Variants in CSGALNACT1 observed in about 807,000 individuals in gnomAD.
The protein encoded by CSGALNACT1 is chondroitin sulfate N-acetylgalactosaminyltransferase 1.
CSGALNACT1 carries 52 observed loss-of-function variants against 51.0 expected under a neutral mutation model. The observed-to-expected ratio is 1.02, with a 90% CI of 0.82 to 1.29. CSGALNACT1 has a LOEUF of 1.29. Among genes scored for constraint, CSGALNACT1 ranks in the 50% most tolerant of loss-of-function variants. The probability of loss-of-function intolerance (pLI) is 0.00; values close to 1 mark genes in which losing one functional copy is unlikely to be tolerated. For synonymous variants in CSGALNACT1, 341 were observed against 254.4 expected (o/e 1.34, Z -3.24); for missense variants, 935 against 679.2 (o/e 1.38, Z -4.19).
upstream of CSGALNACT1, among the ~76,000 whole-genome samples, chr8:19,604,745 TAAAAAAAAAAA>T (rs36019022): frequency 0.014 from 1,847 of 130,324 alleles, 13 homozygotes; most frequent in Non-Finnish European, 0.02. Context: ...GTCTCTACTT[TAAAAAAAAAAA>T]AAAAAAAAAT....
chr8:19,600,593 G>C (rs1226805856), intron 2 of CSGALNACT1, among the ~76,000 whole-genome samples: 1 of 152,098 alleles, frequency 6.6e-6, no homozygotes, highest in East Asian at 1.9e-4. Flanking sequence ...TTAACCACTT[G>C]ACTTTCTACT....
rs577068024 is a variant in CSGALNACT1, at chr8:19,650,575, C to T, written c.-544+31898G>A. ...ATGGTCGAACAGAAGATGCTGATGA[C>T]GGGGTCAACGTGGTCCTGGTTCCCA... On this transcript the variant is annotated intron_variant, in intron 1 of 9. Coordinates refer to the CSGALNACT1 transcript ENST00000332246. Among the ~76,000 whole-genome samples the T allele has an allele frequency of 2.7e-3, 411 of 152,216 alleles. 2 individuals are homozygous for T. The highest frequency in any genetic ancestry group is 6.7e-3 in the Admixed American group (102 of 15,278).
At chr8:19,627,952 A>G (rs112027637) in intron 1 of CSGALNACT1, among the ~76,000 whole-genome samples, 59 of 152,358 alleles carry the variant, frequency 3.9e-4, no homozygotes, top group African/African-American at 1.3e-3. Context: ...GAAAGATGTT[A>G]TCACTGGAGA....
chr8:19,506,286 C>G (rs1265005023), intron 3 of CSGALNACT1, among the ~76,000 whole-genome samples, 156 bp from the exon 3 acceptor site: 1 of 152,170 alleles, frequency 6.6e-6, no homozygotes, highest in Non-Finnish European at 1.5e-5. Flanking sequence ...AATCAGAACA[C>G]AAACGCACAT....
chr8:19,643,684 GT>G (rs1418102837), intron 1 of CSGALNACT1, among the ~76,000 whole-genome samples: 1 of 151,518 alleles, frequency 6.6e-6, no homozygotes, highest in African/African-American at 2.4e-5. Flanking sequence ...TAGTGAAAAT[GT>G]TAATACACAG....
intron 1 of CSGALNACT1, among the ~76,000 whole-genome samples, chr8:19,643,812 AGGCTTCCATCTGCTGCTGGCTGCAGT>A (rs1253662889): frequency 1.3e-5 from 2 of 152,186 alleles, no homozygotes; most frequent in Non-Finnish European, 2.9e-5. Context: ...TATTGAGTCC[AGGCTTCCATCTGCTGCTGGCTGCAGT>A]GGAAATTGGC....
At chr8:19,623,942 G>C (rs1411785133) in intron 1 of CSGALNACT1, among the ~76,000 whole-genome samples, 1 of 152,322 alleles carries the variant, frequency 6.6e-6, no homozygotes. Context: ...ATCTTACAAG[G>C]TCTAGGAGAT....
intron 1 of CSGALNACT1, among the ~76,000 whole-genome samples, chr8:19,733,045 T>A (rs1228524799): frequency 6.6e-6 from 1 of 152,226 alleles, no homozygotes; most frequent in African/African-American, 2.4e-5. Flanking sequence ...CCCTGTTATA[T>A]TAGAAATGGT....
intron 4 of CSGALNACT1, among the ~76,000 whole-genome samples, chr8:19,470,882 G>A (rs1324456800): frequency 6.6e-6 from 1 of 152,086 alleles, no homozygotes; most frequent in Non-Finnish European, 1.5e-5. Flanking sequence ...GATCACCTGA[G>A]GTCAGGAGTT....
chr8:19,458,982 T>A (rs1231882923), intron 4 of CSGALNACT1, among the ~76,000 whole-genome samples: 5 of 152,194 alleles, frequency 3.3e-5, no homozygotes, highest in African/African-American at 1.2e-4. Context: ...TGGGATTATG[T>A]GTTTTTTTCT....
At chr8:19,519,927 G>A (rs1049105132) in intron 3 of CSGALNACT1, among the ~76,000 whole-genome samples, 4 of 152,196 alleles carry the variant, frequency 2.6e-5, no homozygotes, top group Non-Finnish European at 5.9e-5. Context: ...CAGTCCCCAA[G>A]GAAGGATATC....
intron 3 of CSGALNACT1, among the ~76,000 whole-genome samples, chr8:19,559,361 A>C (rs2154094476): frequency 6.6e-6 from 1 of 152,314 alleles, no homozygotes; most frequent in East Asian, 1.9e-4. Flanking sequence ...ATACAAAAAT[A>C]CTACCGCAAA....
intron 3 of CSGALNACT1, among the ~76,000 whole-genome samples, chr8:19,581,402 T>G (rs1459992150): frequency 6.6e-6 from 1 of 152,182 alleles, no homozygotes; most frequent in African/African-American, 2.4e-5. Context: ...TAATGTCCTC[T>G]TAAACTCCCC....
intron 6 of CSGALNACT1, among the ~76,000 whole-genome samples, chr8:19,433,952 T>C (rs2060005341): frequency 6.6e-6 from 1 of 152,170 alleles, no homozygotes; most frequent in Non-Finnish European, 1.5e-5. Context: ...GCTGTGGTGA[T>C]CACTGTGCTT....
At chr8:19,578,344 T>G (rs1349618378) in intron 3 of CSGALNACT1, among the ~76,000 whole-genome samples, 2 of 152,218 alleles carry the variant, frequency 1.3e-5, no homozygotes, top group African/African-American at 2.4e-5. Context: ...TTTGTCATGC[T>G]CTGGGACTTT....
intron 3 of CSGALNACT1, among the ~76,000 whole-genome samples, chr8:19,506,461 G>A (rs1485096731): frequency 6.6e-6 from 1 of 152,180 alleles, no homozygotes; most frequent in Non-Finnish European, 1.5e-5. Context: ...AAGTCCTGAT[G>A]GTTAAAGGGA....
intron 3 of CSGALNACT1, among the ~76,000 whole-genome samples, chr8:19,545,387 G>A (rs1012919751): frequency 2.0e-5 from 3 of 152,156 alleles, no homozygotes; most frequent in South Asian, 2.1e-4. Context: ...ATGAGATGGG[G>A]AAAATTTTCC....
intron 6 of CSGALNACT1, among the ~76,000 whole-genome samples, chr8:19,438,901 C>T (rs977633025): frequency 6.6e-6 from 1 of 152,130 alleles, no homozygotes; most frequent in Admixed American, 6.5e-5. Context: ...AGAATCTTAC[C>T]CTTCGACTAT....
intron 1 of CSGALNACT1, among the ~76,000 whole-genome samples, chr8:19,659,096 C>T (rs565461392): frequency 2.6e-5 from 4 of 152,272 alleles, no homozygotes; most frequent in Non-Finnish European, 5.9e-5. Flanking sequence ...ATGTCTTTAC[C>T]ATGTACATTT....
Sources: gnomAD v4.1 joint callset for allele counts (sites outside exome capture counted in the v4.1 genomes callset) on GRCh38, gnomAD v4.1.1 for gene constraint, MANE v1.5 for transcripts, NCBI Gene and HGNC (gene_info 2026-07-23, HGNC 2026-07-21) for gene names.